The following GRK3 variants were observed in gnomAD, a reference collection of about 807,000 sequenced individuals.
GRK3 encodes the protein adrenergic, beta, receptor kinase 2.
GRK3 carries 54 observed loss-of-function variants against 95.7 expected under a neutral mutation model. The ratio of observed to expected loss-of-function variants is 0.56; its 90% confidence interval spans 0.45 to 0.71. The LOEUF is 0.71. GRK3 is among the 30% of genes least tolerant of loss of function. The pLI is 0.00. For synonymous variants in GRK3, 281 were observed against 290.8 expected (o/e 0.97, Z 0.34); for missense variants, 649 against 851.2 (o/e 0.76, Z 2.96).
In GRK3 at chr22:25,687,643, G is replaced by C; in HGVS notation, c.933G>C (p.Arg311=). 1 of 1,614,138 alleles carries C rather than the reference G, an allele frequency of 6.2e-7. No homozygotes were observed. Among genetic ancestry groups the C allele is most frequent in the Non-Finnish European group, 8.5e-7 (1 of 1,180,028 alleles). ...TGGGTCTGGAACACATGCACAATCG[G>C]TTTGTTGTCTACAGAGATTTGAAGG... The part of the protein sequence containing the change: ...IILGLEHMHN[R]FVVYRDLKPA... The change falls in exon 11 of 21, where the codon CGG becomes CGC. Residue 311 remains arginine (R), a synonymous_variant. Transcript: ENST00000324198.
intron 2 of GRK3, among the ~76,000 whole-genome samples, chr22:25,643,354 C>G (rs1038288086): frequency 2.0e-5 from 3 of 152,134 alleles, no homozygotes; most frequent in African/African-American, 7.2e-5. Flanking sequence ...TTTGAGTGAA[C>G]GAACACTTAC....
At chr22:25,632,754 C>T (rs866460523) in intron 2 of GRK3, among the ~76,000 whole-genome samples, 3 of 152,138 alleles carry the variant, frequency 2.0e-5, no homozygotes, top group Admixed American at 6.5e-5. Context: ...AAAAGGCTTT[C>T]TTCTCATTGA....
Position 25,643,529 on chromosome 22 carries a change from G to T in GRK3, c.191-1063G>T, listed in dbSNP as rs183236345. On this transcript the variant is annotated intron_variant, in intron 2 of 20. Transcript: ENST00000324198. ...ATTCTGGTCCACTTCATCTCTACAT[G>T]GTAGACTTTGTGAGTCTTTCTTCAG... Among the ~76,000 whole-genome samples the T allele has an allele frequency of 3.9e-5, 6 of 152,252 alleles. No individual in the cohort carries two copies. In the East Asian group the frequency reaches 1.2e-3, roughly 29 times the overall value.
intron 2 of GRK3, among the ~76,000 whole-genome samples, chr22:25,627,448 T>C (rs1488349138): frequency 6.6e-6 from 1 of 152,246 alleles, no homozygotes; most frequent in Admixed American, 6.5e-5. Context: ...AGTCACACTC[T>C]TTCCTTATCT....
chr22:25,710,808 A>T (rs2085338117), intron 16 of GRK3, among the ~76,000 whole-genome samples: 1 of 152,216 alleles, frequency 6.6e-6, no homozygotes, highest in African/African-American at 2.4e-5. Flanking sequence ...AGATTTTGTT[A>T]TATTTGAAAA....
At chr22:25,638,479 C>T (rs777974289) in intron 2 of GRK3, among the ~76,000 whole-genome samples, 5 of 152,188 alleles carry the variant, frequency 3.3e-5, no homozygotes, top group Admixed American at 1.3e-4. Context: ...CCATGGATTA[C>T]GTGTTCCCTT....
chr22:25,714,446 T>G lies in GRK3; in HGVS notation c.1530T>G (p.Pro510=). The G allele has an allele frequency of 6.2e-7, 1 of 1,613,384 alleles. No homozygotes were observed. The highest frequency in any genetic ancestry group is 8.5e-7 in the Non-Finnish European group (1 of 1,179,804). The change falls in exon 18 of 21, where the codon CCT becomes CCG. Residue 510 remains proline, a synonymous_variant. Coordinates refer to ENST00000324198, the MANE Select transcript of GRK3 (RefSeq NM_005160.4). ...DCDQELYKNF[P]LVISERWQQE... is the part of the protein sequence containing the mutation. The stretch of plus-strand genomic sequence containing the variant: ...ACCAAGAACTCTACAAGAACTTCCC[T>G]TTGGTCATCTCTGAACGCTGGCAGC...
At chr22:25,584,599 G>GAATC (rs3831686) in intron 1 of GRK3, among the ~76,000 whole-genome samples, 4,626 of 144,746 alleles carry the variant, frequency 0.032, no homozygotes, top group African/African-American at 0.13. Context: ...AAGTAAGAAT[G>GAATC]TTCTATCCAT....
chr22:25,718,337 C>G lies in GRK3; in HGVS notation c.1747C>G (p.Leu583Val). The G allele has an allele frequency of 3.1e-6, 5 of 1,614,118 alleles. No homozygotes were observed. The highest frequency in any genetic ancestry group is 4.2e-6 in the Non-Finnish European group (5 of 1,180,012). ...TCAGTGGCAGCGTCGCTATTTTTAC[C>G]TCTTTCCAAATAGACTTGAATGGAG... ...LTQWQRRYFY[L>V]FPNRLEWRGE... The change falls in exon 19 of 21, where the codon CTC (leucine) becomes GTC (valine). Residue 583 changes from leucine to valine, a missense_variant. By Grantham distance (32) the Leu-to-Val change is conservative. Transcript: ENST00000324198.
chr22:25,608,760 C>A (rs1045241025), intron 2 of GRK3, among the ~76,000 whole-genome samples: 1 of 152,158 alleles, frequency 6.6e-6, no homozygotes, highest in African/African-American at 2.4e-5. Flanking sequence ...CCGGGCTGAC[C>A]GACACCTTGA....
At chr22:25,667,199 T>A (rs2084947739) in intron 5 of GRK3, among the ~76,000 whole-genome samples, 1 of 151,990 alleles carries the variant, frequency 6.6e-6, no homozygotes, top group African/African-American at 2.4e-5. Context: ...AGATAGAAAA[T>A]CAATAAATAA....
At position 25,579,762 on chromosome 22, in the gene GRK3, G is replaced by A. The variant is rs368420997; in HGVS notation, c.113+14609G>A. On this transcript the variant is annotated intron_variant, in intron 1 of 20. Coordinates refer to ENST00000324198, the MANE Select transcript of GRK3 (RefSeq NM_005160.4). ...GCTGGGATTATAGGAGTGGGCCACCGAGCCTGGCCGAGGGGACTTCTTTAC... is the reference window on the plus strand; with the variant it reads ...GCTGGGATTATAGGAGTGGGCCACCAAGCCTGGCCGAGGGGACTTCTTTAC... 3.9e-5 allele frequency among the ~76,000 whole-genome samples: 6 copies of A among 152,108 alleles called. No homozygotes were observed. The East Asian group carries it at 7.8e-4, about 20-fold the overall frequency.
chr22:25,659,319 CCAGA>C (rs1486996905), intron 3 of GRK3, among the ~76,000 whole-genome samples: 2 of 152,120 alleles, frequency 1.3e-5, no homozygotes, highest in Non-Finnish European at 2.9e-5. Context: ...TTGGATTGGG[CCAGA>C]CAGAGATGAC....
At chr22:25,626,677 A>G (rs1164753780) in intron 2 of GRK3, among the ~76,000 whole-genome samples, 1 of 152,252 alleles carries the variant, frequency 6.6e-6, no homozygotes. Flanking sequence ...AAACCATCTG[A>G]TTGCTCTAGC....
rs111886753 is a variant in GRK3, at chr22:25,722,546, G to A, written c.*96G>A. ...AGGCATCTGATCTATTCGCTACCGGGACTCCTCCAGGCTCCCGAGAGGAGT... is the reference window on the plus strand; with the variant it reads ...AGGCATCTGATCTATTCGCTACCGGAACTCCTCCAGGCTCCCGAGAGGAGT... On this transcript the variant is annotated 3_prime_UTR_variant, in exon 21 of 21. Coordinates refer to ENST00000324198, the MANE Select transcript of GRK3 (RefSeq NM_005160.4). The A allele has an allele frequency of 3.0e-6, 4 of 1,343,844 alleles. No individual in the cohort carries two copies. In the African/African-American group the frequency reaches 5.8e-5, roughly 20 times the overall value. 83.2% of individuals were successfully genotyped at this position (1,343,844 alleles called of 1,614,324 possible). A position where few individuals can be genotyped will look rare whatever the true frequency, so the allele number is the denominator to read the frequency against.
rs140755818 is a variant in GRK3 at position 25,719,409 on chromosome 22, G to C, written c.1791+1028G>C. 2.0e-5 allele frequency among the ~76,000 whole-genome samples: 3 copies of C among 152,258 alleles called. No homozygotes were observed. In the East Asian group the frequency reaches 5.8e-4, roughly 29 times the overall value. On this transcript the variant is annotated intron_variant, in intron 19 of 20. Coordinates refer to ENST00000324198, the MANE Select transcript of GRK3 (RefSeq NM_005160.4). The stretch of plus-strand genomic sequence containing the variant: ...AGTTGGGTCAAATAAAATGTCCCAG[G>C]CCATGACACTTGGCACAGAGATGAG...
In GRK3 at chr22:25,723,565, C is replaced by G. The variant is rs571651223; in HGVS notation, c.*1115C>G. On this transcript the variant is annotated 3_prime_UTR_variant, in exon 21 of 21. Coordinates refer to ENST00000324198, the MANE Select transcript of GRK3 (RefSeq NM_005160.4). ...TAGGGCATGAAGCCTTTTTCCTGGTCCCAGCAGCATCTGCCCTGTGAAGTT... is the reference window on the plus strand; with the variant it reads ...TAGGGCATGAAGCCTTTTTCCTGGTGCCAGCAGCATCTGCCCTGTGAAGTT... 6.6e-6 allele frequency: 1 copy of G among 152,292 alleles called. No homozygotes were observed. The highest frequency in any genetic ancestry group is 2.1e-4 in the South Asian group (1 of 4,814). 9.4% of individuals were successfully genotyped at this position (152,292 alleles called of 1,614,324 possible).
At chr22:25,633,937 T>C (rs2084681937) in intron 2 of GRK3, among the ~76,000 whole-genome samples, 1 of 152,178 alleles carries the variant, frequency 6.6e-6, no homozygotes, top group Non-Finnish European at 1.5e-5. Context: ...ATAATTTAAT[T>C]TTTATTTCTA....
chr22:25,602,018 C>T (rs1193805014), intron 1 of GRK3, among the ~76,000 whole-genome samples: 1 of 152,082 alleles, frequency 6.6e-6, no homozygotes, highest in African/African-American at 2.4e-5. Context: ...AGAAGGACTC[C>T]CTGAAGAAAA....
Sources: gnomAD v4.1 joint callset for allele counts (sites outside exome capture counted in the v4.1 genomes callset) on GRCh38, gnomAD v4.1.1 for gene constraint, MANE v1.5 for transcripts, NCBI Gene and HGNC (gene_info 2026-07-23, HGNC 2026-07-21) for gene names.